The following SRFBP1 variants were observed in gnomAD, a reference collection of about 807,000 sequenced individuals.
The protein encoded by SRFBP1 is serum response factor binding protein 1.
Under a neutral mutation model 45.5 loss-of-function variants are expected in SRFBP1, and 47 were observed. That is an observed-to-expected ratio of 1.03 (90% CI 0.82 to 1.32). The LOEUF (loss-of-function observed/expected upper bound fraction) is 1.32. Ranked by LOEUF, SRFBP1 falls within the 40% of genes most tolerant of loss-of-function variation. The probability of loss-of-function intolerance (pLI) is 0.00; values close to 1 mark genes in which losing one functional copy is unlikely to be tolerated. For synonymous variants in SRFBP1, 203 were observed against 166.3 expected, an observed-to-expected ratio of 1.22 and a Z score of -1.70; for missense variants, 621 against 484.6, an observed-to-expected ratio of 1.28 and a Z score of -2.64.
chr5:121,977,787 G>A (rs1752332949), intron 3 of SRFBP1, among the ~76,000 whole-genome samples: 1 of 151,992 alleles, frequency 6.6e-6, no homozygotes, highest in Non-Finnish European at 1.5e-5. Context: ...GAAATCATGA[G>A]TATTTTTAGA....
At chr5:121,976,059 G>A (rs974569674) in intron 3 of SRFBP1, among the ~76,000 whole-genome samples, 1 of 151,836 alleles carries the variant, frequency 6.6e-6, no homozygotes, top group Non-Finnish European at 1.5e-5. Flanking sequence ...GGGTCATTTT[G>A]CATGCATGTT....
Position 121,974,190 on chromosome 5 carries a change from T to G in SRFBP1, c.37-6T>G, listed in dbSNP as rs1752254756. 6.2e-7 allele frequency: 1 copy of G among 1,605,700 alleles called. No homozygotes were observed. Among genetic ancestry groups the G allele is most frequent in the African/African-American group, 1.3e-5 (1 of 74,648 alleles). ...TTTCTTCTAATTATTGCTTTATTCT[T>G]CAAAGGTTGTGAAGATGAGAAAAGA... is the stretch of plus-strand genomic sequence containing the variant. On this transcript the variant is annotated splice_region_variant and splice_polypyrimidine_tract_variant and intron_variant, in intron 1 of 7. Coordinates refer to ENST00000339397, the MANE Select transcript of SRFBP1 (RefSeq NM_152546.3).
chr5:122,026,916 T>G, intron 7 of SRFBP1, 26 bp from the exon 8 acceptor site: 1 of 1,536,608 alleles, frequency 6.5e-7, no homozygotes, highest in Non-Finnish European at 8.9e-7. Flanking sequence ...TATATAGTTA[T>G]TATTATTTTT....
At chr5:122,060,664 C>G (rs1754155142) in intron 2 of SRFBP1, among the ~76,000 whole-genome samples, 1 of 152,100 alleles carries the variant, frequency 6.6e-6, no homozygotes, top group East Asian at 1.9e-4. Flanking sequence ...AAGCTGTGTA[C>G]ATATGTAACC....
At chr5:122,072,052 G>A (rs1754467392) in intron 2 of SRFBP1, among the ~76,000 whole-genome samples, 2 of 152,148 alleles carry the variant, frequency 1.3e-5, no homozygotes, top group African/African-American at 4.8e-5. Flanking sequence ...ATACAATTCT[G>A]ATTCTGGCAT....
At chr5:122,018,900 T>G (rs1319640425) in intron 4 of SRFBP1, among the ~76,000 whole-genome samples, 1 of 152,206 alleles carries the variant, frequency 6.6e-6, no homozygotes, top group African/African-American at 2.4e-5. Context: ...GATTCTTTGA[T>G]ATTAATTTAG....
chr5:122,078,005 AC>A, downstream of SRFBP1: 1 of 1,438,674 alleles, frequency 7.0e-7, no homozygotes. Context: ...TGCCAGATTG[AC>A]CCCGCTCGAG....
chr5:122,029,682 A>G (rs1753559559), downstream of SRFBP1, among the ~76,000 whole-genome samples: 3 of 152,172 alleles, frequency 2.0e-5, no homozygotes, highest in South Asian at 6.2e-4. Flanking sequence ...GAGCTGGTAT[A>G]CTTGTAGCAC....
intron 2 of SRFBP1, among the ~76,000 whole-genome samples, chr5:122,061,833 A>T (rs1238518434): frequency 6.6e-6 from 1 of 152,040 alleles, no homozygotes; most frequent in Admixed American, 6.6e-5. Flanking sequence ...TTTTTTAGAA[A>T]GTGAAGCAGG....
intron 1 of SRFBP1, among the ~76,000 whole-genome samples, chr5:121,963,666 A>T (rs2112807691): frequency 6.6e-6 from 1 of 152,296 alleles, no homozygotes; most frequent in Admixed American, 6.5e-5. Flanking sequence ...ACACTTATGT[A>T]ACTGTTTCTG....
intron 2 of SRFBP1, among the ~76,000 whole-genome samples, chr5:122,069,747 C>T (rs1754397282): frequency 6.6e-6 from 1 of 152,060 alleles, no homozygotes; most frequent in Non-Finnish European, 1.5e-5. Context: ...ACAAGCTCAC[C>T]CACTCTACAT....
At chr5:121,984,394 A>T (rs185543558) in intron 3 of SRFBP1, among the ~76,000 whole-genome samples, 13 of 151,892 alleles carry the variant, frequency 8.6e-5, no homozygotes, top group Admixed American at 6.6e-4. Context: ...TATTATTAAC[A>T]CATCTTTCCT....
At chr5:122,000,944 C>A (rs901952321) in intron 4 of SRFBP1, among the ~76,000 whole-genome samples, 13 of 152,210 alleles carry the variant, frequency 8.5e-5, no homozygotes, top group Non-Finnish European at 1.5e-4. Flanking sequence ...GATACATTAT[C>A]ATTCTCTCTG....
chr5:122,006,345 G>A (rs1183451841), intron 4 of SRFBP1, among the ~76,000 whole-genome samples: 1 of 151,990 alleles, frequency 6.6e-6, no homozygotes, highest in Non-Finnish European at 1.5e-5. Flanking sequence ...CTTGATTTTT[G>A]ACAGTTTGAT....
At position 121,997,398 on chromosome 5, in the gene SRFBP1, AAAAC is replaced by A. The variant is rs1358671703; in HGVS notation, c.270+2731_270+2734del. Among the ~76,000 whole-genome samples, 11 of 151,726 alleles carry A rather than the reference AAAAC, an allele frequency of 7.2e-5. No homozygotes were observed. The East Asian group carries it at 2.1e-3, about 29-fold the overall frequency. On this transcript the variant is annotated intron_variant, in intron 4 of 7. Transcript: ENST00000339397. ...TGTCTGATCTTTGACAAACCTGAGA[AAAAC>A]AAGCAATGGGGAAAGGATTCCCTAT... is the stretch of plus-strand genomic sequence containing the variant.
chr5:122,078,092 G>A (rs1754696704), downstream of SRFBP1: 1 of 1,094,432 alleles, frequency 9.1e-7, no homozygotes. Flanking sequence ...CCAAGGAGGC[G>A]AGCGGAGCAC....
intron 2 of SRFBP1, among the ~76,000 whole-genome samples, chr5:122,034,168 A>G (rs1387520928): frequency 6.6e-6 from 1 of 152,178 alleles, no homozygotes; most frequent in Non-Finnish European, 1.5e-5. Context: ...TTTCTCTTGA[A>G]TAGAGCATAT....
chr5:122,013,895 A>G (rs1461316858), intron 4 of SRFBP1, among the ~76,000 whole-genome samples: 1 of 152,178 alleles, frequency 6.6e-6, no homozygotes, highest in Admixed American at 6.5e-5. Flanking sequence ...GGACAGGAGT[A>G]GTACAAACTG....
intron 7 of SRFBP1, among the ~76,000 whole-genome samples, chr5:122,026,274 C>T (rs1435764792): frequency 2.0e-5 from 3 of 152,156 alleles, no homozygotes; most frequent in Admixed American, 1.3e-4. Flanking sequence ...AGTGTATCTT[C>T]GCCAAATAAG....
Sources: gnomAD v4.1 joint callset for allele counts (sites outside exome capture counted in the v4.1 genomes callset) on GRCh38, gnomAD v4.1.1 for gene constraint, MANE v1.5 for transcripts, NCBI Gene and HGNC (gene_info 2026-07-23, HGNC 2026-07-21) for gene names.